KIR3DL1: variants seen among roughly 807,000 people sequenced by gnomAD.
KIR3DL1 encodes the protein killer cell immunoglobulin-like receptor 3DL1.
A neutral mutation model predicts 40.3 loss-of-function variants in KIR3DL1; 50 were observed. That is an observed-to-expected ratio of 1.24 (90% CI 0.99 to 1.57). KIR3DL1 has a LOEUF of 1.57. Ranked by LOEUF, KIR3DL1 falls within the 40% of genes most tolerant of loss-of-function variation. The pLI is 0.00. For missense variants in KIR3DL1, 661 were observed against 559.9 expected, an observed-to-expected ratio of 1.18 and a Z score of -1.82; for synonymous variants, 257 against 207.2, an observed-to-expected ratio of 1.24 and a Z score of -2.07.
At chr19:54,823,147 G>C (rs1375395056) in intron 5 of KIR3DL1, among the ~76,000 whole-genome samples, 1 of 150,550 alleles carries the variant, frequency 6.6e-6, no homozygotes, top group Non-Finnish European at 1.5e-5. Context: ...TGATTGTCCT[G>C]ACTCAGCCTC....
chr19:54,828,010 C>A (rs796755141), intron 6 of KIR3DL1, among the ~76,000 whole-genome samples: 3 of 149,302 alleles, frequency 2.0e-5, no homozygotes, highest in African/African-American at 5.0e-5. Flanking sequence ...AGTGCCAGCA[C>A]TAGCTCCTGC....
chr19:54,818,927 C>A (rs543261544), intron 3 of KIR3DL1, among the ~76,000 whole-genome samples: 3 of 149,952 alleles, frequency 2.0e-5, no homozygotes, highest in Admixed American at 6.7e-5. Context: ...CAAGGGTCCA[C>A]ATGAGAGGTG....
In KIR3DL1 at chr19:54,824,941, G is replaced by T. The variant is rs1290939895; in HGVS notation, c.950-87G>T. The T allele has an allele frequency of 4.1e-6, 4 of 983,564 alleles. No homozygotes were observed. In the East Asian group the frequency reaches 7.2e-5, roughly 18 times the overall value. The allele number at this position is 983,564 out of a possible 1,614,324, so 60.9% of individuals were successfully genotyped here. ...AGGGTCCAACATTAGATAACAGAGT[G>T]TTGGCCATGAACCAACCTCAAAGAT... On this transcript the variant is annotated intron_variant, in intron 5 of 8. Transcript: ENST00000391728.
chr19:54,818,406 G>C, exon 3 of KIR3DL1: 1 of 1,607,672 alleles, frequency 6.2e-7, no homozygotes. Context: ...ATCGTCATAG[G>C]TTTAACAATT....
exon 9 of KIR3DL1, chr19:54,830,596 A>G: frequency 1.1e-5 from 4 of 374,322 alleles, no homozygotes; most frequent in South Asian, 3.6e-5. Flanking sequence ...GGAACTCACA[A>G]TTCCAAACAT....
At chr19:54,828,234 C>T (rs187160699) in intron 6 of KIR3DL1, among the ~76,000 whole-genome samples, 1 of 151,212 alleles carries the variant, frequency 6.6e-6, no homozygotes, top group African/African-American at 2.5e-5. Context: ...ATTGATTTCA[C>T]TTTTGTTTCC....
chr19:54,819,888 G>C, exon 4 of KIR3DL1: 1 of 1,612,258 alleles, frequency 6.2e-7, no homozygotes, highest in South Asian at 1.1e-5. Context: ...GGGTCTCCAA[G>C]GCCAATTTCT....
At chr19:54,823,723 C>A (rs2061750654) in intron 5 of KIR3DL1, among the ~76,000 whole-genome samples, 1 of 151,402 alleles carries the variant, frequency 6.6e-6, no homozygotes, top group Non-Finnish European at 1.5e-5. Context: ...GTCTCCCGAC[C>A]TCAGGTGATC....
intron 5 of KIR3DL1, among the ~76,000 whole-genome samples, chr19:54,823,613 T>C (rs1459679320): frequency 6.6e-6 from 1 of 151,458 alleles, no homozygotes; most frequent in Admixed American, 6.6e-5. Context: ...TTCTCCTGCC[T>C]CAGCCTCCAA....
intron 4 of KIR3DL1, among the ~76,000 whole-genome samples, chr19:54,820,230 G>T (rs1266266565): frequency 6.6e-6 from 1 of 151,400 alleles, no homozygotes; most frequent in Non-Finnish European, 1.5e-5. Context: ...ATACAGGGAG[G>T]TAGAAAAGAG....
At chr19:54,819,250 T>TCAAGGACAAGTTAGGAACCCAGGA in intron 3 of KIR3DL1, among the ~76,000 whole-genome samples, 1 of 142,540 alleles carries the variant, frequency 7.0e-6, no homozygotes, top group Non-Finnish European at 1.6e-5. Context: ...GGAACCCAGG[T>TCAAGGACAAGTTAGGAACCCAGGA]CAAGGACAAG....
exon 3 of KIR3DL1, chr19:54,818,525 C>T (rs539580356): frequency 3.7e-6 from 6 of 1,611,624 alleles, no homozygotes; most frequent in Non-Finnish European, 5.1e-6. Flanking sequence ...GGGAACTACA[C>T]ATGTCGGGGT....
intron 6 of KIR3DL1, 79 bp from the exon 7 acceptor site, chr19:54,829,282 G>A: frequency 8.3e-7 from 1 of 1,203,552 alleles, no homozygotes; most frequent in South Asian, 1.4e-5. Flanking sequence ...GTGGTTACCT[G>A]TCAATCAAGA....
At chr19:54,816,707 G>GA (rs1240769861) in intron 1 of KIR3DL1, among the ~76,000 whole-genome samples, 173 bp downstream of exon 1, 2 of 136,462 alleles carry the variant, frequency 1.5e-5, no homozygotes, top group Admixed American at 7.4e-5. Flanking sequence ...TAGGGGCCTG[G>GA]GGTGGAGATA....
chr19:54,817,882 C>G lies in KIR3DL1; in HGVS notation c.70+313C>G, dbSNP rs1411705005. 1.4e-5 allele frequency among the ~76,000 whole-genome samples: 2 copies of G among 147,342 alleles called. 1 individual carries two copies. The highest frequency in any genetic ancestry group is 5.2e-5 in the African/African-American group (2 of 38,610). The stretch of plus-strand genomic sequence containing the variant: ...CTGAGGACAAAGGTGTAACTCACAC[C>G]CTCCAGCGTTTCCGTGATGGTAGGG... On this transcript the variant is annotated intron_variant, in intron 2 of 8. Transcript: ENST00000391728.
intron 5 of KIR3DL1, among the ~76,000 whole-genome samples, chr19:54,822,682 C>G (rs1293329616): frequency 6.6e-6 from 1 of 150,980 alleles, no homozygotes; most frequent in Admixed American, 6.6e-5. Context: ...CCCTTCCCTT[C>G]CTGGCCTCTG....
In KIR3DL1 at chr19:54,826,777, G is replaced by A. The variant is rs1299778192; in HGVS notation, c.1000+1699G>A. On this transcript the variant is annotated intron_variant, in intron 6 of 8. Coordinates refer to ENST00000391728, the Ensembl canonical transcript of KIR3DL1. ...CCACACACAGCTGTCAGCCGTGAAG[G>A]CAGAAAGCTGAAAACAATCTGATGT... is the stretch of plus-strand genomic sequence containing the variant. Among the ~76,000 whole-genome samples, 4 of 151,064 alleles carry A rather than the reference G, an allele frequency of 2.6e-5. No homozygotes were observed. The South Asian group carries it at 6.2e-4, about 24-fold the overall frequency.
intron 5 of KIR3DL1, among the ~76,000 whole-genome samples, chr19:54,822,850 G>T (rs1303265533): frequency 7.2e-6 from 1 of 139,640 alleles, no homozygotes; most frequent in Non-Finnish European, 1.6e-5. Context: ...TCCACTGTGT[G>T]TGTGTACCAC....
At chr19:54,827,959 A>C (rs4806574) in intron 6 of KIR3DL1, among the ~76,000 whole-genome samples, 27,426 of 149,908 alleles carry the variant, frequency 0.18, 3,140 homozygotes, top group Middle Eastern at 0.27. Flanking sequence ...GGTAAATGCT[A>C]ATACTCCTTG....
Sources: allele counts gnomAD v4.1 joint callset (sites outside exome capture counted in the v4.1 genomes callset), GRCh38; gene constraint gnomAD v4.1.1; transcripts MANE v1.5; gene names NCBI Gene and HGNC (gene_info 2026-07-23, HGNC 2026-07-21).